The following CSMD1 variants were observed in gnomAD, a reference collection of about 807,000 sequenced individuals.
CSMD1 encodes the protein CUB and Sushi multiple domains 1, also known as CUB and sushi domain-containing protein 1.
In CSMD1, 213 loss-of-function variants were observed where a neutral mutation model predicts 417.5. The ratio of observed to expected loss-of-function variants is 0.51; its 90% CI spans 0.46 to 0.57. The LOEUF (loss-of-function observed/expected upper bound fraction) is 0.57. Among genes scored for constraint, CSMD1 ranks in the 20% least tolerant of loss-of-function variants. The pLI is 0.00. For synonymous variants in CSMD1, 2,862 were observed against 1,736.8 expected (o/e 1.65, Z -16.11); for missense variants, 6,923 against 4,529.7 (o/e 1.53, Z -15.17).
At chr8:4,836,077 C>G (rs972642841) in intron 1 of CSMD1, among the ~76,000 whole-genome samples, 1 of 152,048 alleles carries the variant, frequency 6.6e-6, no homozygotes, top group East Asian at 1.9e-4. Flanking sequence ...ATTGGACATA[C>G]ACAAGTAATG....
chr8:3,092,024 G>A (rs528873742), intron 47 of CSMD1, among the ~76,000 whole-genome samples: 12 of 152,220 alleles, frequency 7.9e-5, no homozygotes, highest in African/African-American at 2.2e-4. Context: ...TAGTGGAAGC[G>A]TAAAGTAGTA....
intron 1 of CSMD1, among the ~76,000 whole-genome samples, chr8:4,828,864 G>C (rs1311286140): frequency 1.3e-5 from 2 of 152,092 alleles, no homozygotes; most frequent in Non-Finnish European, 2.9e-5. Context: ...ACCTTCATCA[G>C]AATAATCATG....
intron 10 of CSMD1, among the ~76,000 whole-genome samples, chr8:3,512,946 G>C (rs938870568): frequency 6.6e-6 from 1 of 151,974 alleles, no homozygotes; most frequent in Non-Finnish European, 1.5e-5. Context: ...ACCATAGAGA[G>C]CCACAGATAG....
chr8:4,724,559 TGTG>T (rs1563224880), intron 1 of CSMD1, among the ~76,000 whole-genome samples: 109 of 150,934 alleles, frequency 7.2e-4, no homozygotes, highest in African/African-American at 2.5e-3. Flanking sequence ...TGTGTGTGTG[TGTG>T]TTTATACTCC....
chr8:3,299,090 T>C (rs569346618), intron 25 of CSMD1, among the ~76,000 whole-genome samples: 1 of 152,186 alleles, frequency 6.6e-6, no homozygotes, highest in African/African-American at 2.4e-5. Context: ...AGTCATTTTT[T>C]ATTCAAATGT....
In CSMD1 at chr8:4,546,031, T is replaced by C. The variant is rs571279302; in HGVS notation, c.302+91311A>G. Among the ~76,000 whole-genome samples, 7 of 152,268 alleles carry C rather than the reference T, an allele frequency of 4.6e-5. No homozygotes were observed. In the East Asian group the frequency reaches 1.4e-3, roughly 29 times the overall value. On this transcript the variant is annotated intron_variant, in intron 2 of 69. Transcript: ENST00000635120. ...TCCACAGCTGCATCTACAGAGACTT[T>C]TCAGCTTCCCTCCACTTACCACCTG...
At chr8:3,977,048 T>A (rs1340674758) in intron 5 of CSMD1, among the ~76,000 whole-genome samples, 3 of 152,170 alleles carry the variant, frequency 2.0e-5, no homozygotes, top group Non-Finnish European at 2.9e-5. Flanking sequence ...ATTACAACCA[T>A]CTTTTCTTGA....
chr8:3,537,657 C>A (rs554874457), intron 10 of CSMD1, among the ~76,000 whole-genome samples: 256 of 152,238 alleles, frequency 1.7e-3, no homozygotes, highest in African/African-American at 5.7e-3. Flanking sequence ...TTATTTCAGG[C>A]AAATTACATA....
At chr8:4,241,082 T>G (rs996078685) in intron 3 of CSMD1, among the ~76,000 whole-genome samples, 3 of 152,170 alleles carry the variant, frequency 2.0e-5, no homozygotes, top group Non-Finnish European at 4.4e-5. Context: ...GCTGAATTAC[T>G]TATCCTCTAC....
intron 1 of CSMD1, among the ~76,000 whole-genome samples, chr8:4,698,940 A>ACACC (rs1325335724): frequency 6.8e-6 from 1 of 148,064 alleles, no homozygotes; most frequent in East Asian, 2.0e-4. Context: ...ACACACACAC[A>ACACC]CCAATTTCAC....
At chr8:4,000,200 C>T (rs1029783768) in intron 4 of CSMD1, among the ~76,000 whole-genome samples, 1 of 151,388 alleles carries the variant, frequency 6.6e-6, no homozygotes, top group Non-Finnish European at 1.5e-5. Flanking sequence ...GTTTTTATTA[C>T]ATTCTTGGGA....
intron 25 of CSMD1, among the ~76,000 whole-genome samples, chr8:3,288,080 G>C (rs1473612093): frequency 2.0e-5 from 3 of 147,160 alleles, no homozygotes; most frequent in South Asian, 2.1e-4. Flanking sequence ...TTTGTCTTTG[G>C]TTCTGTTTAT....
intron 5 of CSMD1, among the ~76,000 whole-genome samples, chr8:3,805,006 G>T (rs910731262): frequency 6.6e-6 from 1 of 152,108 alleles, no homozygotes; most frequent in Non-Finnish European, 1.5e-5. Flanking sequence ...ACTTCTTCTG[G>T]TCTTGAAGAG....
At chr8:4,425,909 A>C (rs962261111) in intron 2 of CSMD1, among the ~76,000 whole-genome samples, 2 of 152,112 alleles carry the variant, frequency 1.3e-5, no homozygotes, top group Admixed American at 6.6e-5. Flanking sequence ...TCCCTATCGT[A>C]ATTTTTTAGT....
At chr8:3,616,011 A>G (rs1378272934) in intron 8 of CSMD1, among the ~76,000 whole-genome samples, 1 of 152,200 alleles carries the variant, frequency 6.6e-6, no homozygotes, top group African/African-American at 2.4e-5. Flanking sequence ...AATGATATGC[A>G]TTTTCTGAAT....
At chr8:3,342,754 C>G (rs77264121) in intron 23 of CSMD1, among the ~76,000 whole-genome samples, 5 of 152,078 alleles carry the variant, frequency 3.3e-5, no homozygotes, top group African/African-American at 1.2e-4. Flanking sequence ...ACTGTTATCT[C>G]TGGCAAGTAT....
intron 1 of CSMD1, among the ~76,000 whole-genome samples, chr8:4,662,645 C>G (rs773371797): frequency 6.6e-6 from 1 of 152,150 alleles, no homozygotes; most frequent in African/African-American, 2.4e-5. Flanking sequence ...AATATAAAAC[C>G]CCTTTCAGCC....
In CSMD1 at chr8:4,111,444, CA is replaced by C. The variant is rs146784502; in HGVS notation, c.416-79346del. 4.9e-3 allele frequency among the ~76,000 whole-genome samples: 748 copies of C among 152,030 alleles called. 6 individuals carry two copies. The highest frequency in any genetic ancestry group is 0.017 in the African/African-American group (716 of 41,462). The stretch of plus-strand genomic sequence containing the variant: ...ATTTATATTCCTTAGGATATATACC[CA>C]GTAATGGGAAAAGCACATGCACGAG... On this transcript the variant is annotated intron_variant, in intron 3 of 69. Coordinates refer to ENST00000635120, the MANE Select transcript of CSMD1 (RefSeq NM_033225.6).
At chr8:4,174,814 G>C (rs757621131) in intron 3 of CSMD1, among the ~76,000 whole-genome samples, 2 of 135,768 alleles carry the variant, frequency 1.5e-5, no homozygotes, top group East Asian at 4.9e-4. Context: ...ATTCAGATTA[G>C]TTTGTGTGCC....
Sources: allele counts gnomAD v4.1 joint callset (sites outside exome capture counted in the v4.1 genomes callset), GRCh38; gene constraint gnomAD v4.1.1; transcripts MANE v1.5; gene names NCBI Gene and HGNC (gene_info 2026-07-23, HGNC 2026-07-21).